RPS6KA3: variants seen among roughly 807,000 people sequenced by gnomAD.
The protein encoded by RPS6KA3 is ribosomal protein S6 kinase A3.
Under a neutral mutation model 67.2 loss-of-function variants are expected in RPS6KA3, and 4 were observed. The ratio of observed to expected loss-of-function variants is 0.06; its 90% CI spans 0.03 to 0.14. The LOEUF is 0.14. Ranked by LOEUF, RPS6KA3 falls within the 10% of genes least tolerant of loss-of-function variation. The pLI, the probability that RPS6KA3 is intolerant of heterozygous loss-of-function variation, is 1.00. For synonymous variants in RPS6KA3, 182 were observed against 183.7 expected, an observed-to-expected ratio of 0.99 and a Z score of 0.07; for missense variants, 204 against 559.0, an observed-to-expected ratio of 0.36 and a Z score of 6.40.
chrX:20,196,475 A>G (rs1024580040), intron 4 of RPS6KA3, among the ~76,000 whole-genome samples: 1 of 112,651 alleles, frequency 8.9e-6, no homozygotes, highest in African/African-American at 3.2e-5. Context: ...CTGAATGGTT[A>G]TATGAAACAT....
Position 20,165,001 on chromosome X carries a change from C to T in RPS6KA3, c.1662G>A (p.Pro554=), listed in dbSNP as rs756922750. The T allele has an allele frequency of 3.1e-5, 37 of 1,202,328 alleles. No homozygotes were observed. Among genetic ancestry groups the T allele is most frequent in the South Asian group, 5.3e-5 (3 of 56,669 alleles). The change falls in exon 18 of 22, where the codon CCG becomes CCA. Residue 554 remains proline, a synonymous_variant. Coordinates refer to ENST00000379565, the MANE Select transcript of RPS6KA3 (RefSeq NM_004586.3). ...CAAAATCACAAATTCGAATAGATTC[C>T]GGATTACCAGATTCATCCACATAAA... ...NILYVDESGN[P]ESIRICDFGF...
chrX:20,179,966 G>A (rs2067801619), intron 10 of RPS6KA3, among the ~76,000 whole-genome samples: 1 of 110,642 alleles, frequency 9.0e-6, no homozygotes, highest in South Asian at 3.8e-4. Context: ...TGGTGCACCT[G>A]TAGTCCTAGC....
intron 3 of RPS6KA3, among the ~76,000 whole-genome samples, chrX:20,208,296 A>C (rs1285222993): frequency 9.0e-6 from 1 of 110,786 alleles, no homozygotes; most frequent in Non-Finnish European, 1.9e-5. Context: ...CCCTGGTCTA[A>C]ACAGATCAAG....
intron 16 of RPS6KA3, among the ~76,000 whole-genome samples, chrX:20,169,186 A>G (rs1242904241): frequency 9.0e-6 from 1 of 111,050 alleles, no homozygotes; most frequent in African/African-American, 3.3e-5. Context: ...TTTTGTAGAG[A>G]TGGAGATCTC....
chrX:20,159,256 C>T (rs1368282327), intron 20 of RPS6KA3, among the ~76,000 whole-genome samples: 1 of 112,145 alleles, frequency 8.9e-6, no homozygotes, highest in East Asian at 2.8e-4. Flanking sequence ...AGTACTGTCC[C>T]TAATATTAGG....
At chrX:20,217,297 T>A (rs1487589246) in intron 2 of RPS6KA3, among the ~76,000 whole-genome samples, 1 of 112,449 alleles carries the variant, frequency 8.9e-6, no homozygotes, top group Non-Finnish European at 1.9e-5. Flanking sequence ...GAGAAAAATA[T>A]CATTTTGATC....
chrX:20,208,031 T>A lies in RPS6KA3; in HGVS notation c.243+1257A>T, dbSNP rs190042830. ...CAATCTAGACCAGTGATCCCCAACC[T>A]TTTTTAGCACCAGGGACTGGTTTCA... On this transcript the variant is annotated intron_variant, in intron 3 of 21. Transcript: ENST00000379565. Among the ~76,000 whole-genome samples, 5 of 111,781 alleles carry A rather than the reference T, an allele frequency of 4.5e-5. No individual in the cohort carries two copies. In the East Asian group the frequency reaches 1.4e-3, roughly 32 times the overall value.
intron 1 of RPS6KA3, among the ~76,000 whole-genome samples, chrX:20,254,761 G>A (rs1322051647): frequency 8.9e-6 from 1 of 111,835 alleles, no homozygotes; most frequent in Non-Finnish European, 1.9e-5. Context: ...TCAGTCATTA[G>A]AGAAATGCAA....
At chrX:20,176,120 C>T (rs1325285919) in intron 13 of RPS6KA3, 130 bp downstream of exon 13, 2 of 503,409 alleles carry the variant, frequency 4.0e-6, no homozygotes, top group Non-Finnish European at 7.1e-6. Flanking sequence ...ATCTGCTCGC[C>T]TCAGCCTCCC....
At chrX:20,156,658 C>T (rs1284372817) in intron 20 of RPS6KA3, among the ~76,000 whole-genome samples, 2 of 110,713 alleles carry the variant, frequency 1.8e-5, no homozygotes, top group Admixed American at 1.9e-4. Flanking sequence ...ACCTCAGCCT[C>T]CCAAAGAGCT....
At chrX:20,208,084 C>T (rs950170736) in intron 3 of RPS6KA3, among the ~76,000 whole-genome samples, 10 of 110,806 alleles carry the variant, frequency 9.0e-5, no homozygotes, top group Non-Finnish European at 1.3e-4. Context: ...CAGACTGGCG[C>T]GGTGGGAGGG....
chrX:20,213,654 A>C (rs1735845834), intron 2 of RPS6KA3, among the ~76,000 whole-genome samples: 4 of 110,755 alleles, frequency 3.6e-5, no homozygotes, highest in Admixed American at 2.9e-4. Flanking sequence ...ACATGTATAC[A>C]TATGTAACAA....
At chrX:20,255,860 T>A (rs1191847509) in intron 1 of RPS6KA3, among the ~76,000 whole-genome samples, 1 of 87,977 alleles carries the variant, frequency 1.1e-5, no homozygotes, top group Non-Finnish European at 2.1e-5. Flanking sequence ...TGTAATCTCA[T>A]CACTTTGGGA....
intron 18 of RPS6KA3, 46 bp downstream of exon 18, chrX:20,164,853 A>G: frequency 1.0e-6 from 1 of 981,581 alleles, no homozygotes; most frequent in African/African-American, 1.9e-5. Context: ...ATAGTGAATG[A>G]GTTTTAAAAC....
At chrX:20,208,553 CA>C (rs112762101) in intron 3 of RPS6KA3, among the ~76,000 whole-genome samples, 3,147 of 109,918 alleles carry the variant, frequency 0.029, 109 homozygotes, top group African/African-American at 0.093. Flanking sequence ...CCCATCTCTA[CA>C]AAAAAAACAC....
At chrX:20,205,470 T>C (rs1322202832) in intron 3 of RPS6KA3, among the ~76,000 whole-genome samples, 1 of 112,433 alleles carries the variant, frequency 8.9e-6, no homozygotes, top group African/African-American at 3.2e-5. Context: ...CTTTGAGAAA[T>C]TGTGCCAAGT....
intron 3 of RPS6KA3, among the ~76,000 whole-genome samples, chrX:20,207,962 G>T (rs1218855205): frequency 8.9e-6 from 1 of 111,877 alleles, no homozygotes; most frequent in African/African-American, 3.2e-5. Flanking sequence ...TCACTGCATC[G>T]TCAAAGTTGA....
At chrX:20,256,325 G>C (rs2070064930) in intron 1 of RPS6KA3, among the ~76,000 whole-genome samples, 1 of 107,296 alleles carries the variant, frequency 9.3e-6, no homozygotes, top group South Asian at 4.0e-4. Context: ...TAACATTTTT[G>C]GGTTGAGCCA....
intron 6 of RPS6KA3, 137 bp from the exon 7 acceptor site, chrX:20,193,730 G>A (rs1000237824): frequency 2.5e-5 from 11 of 439,810 alleles, no homozygotes; most frequent in Admixed American, 7.7e-5. Context: ...CAATTTATTC[G>A]TGAAAGGAAT....
Sources: allele counts gnomAD v4.1 joint callset (sites outside exome capture counted in the v4.1 genomes callset), GRCh38; gene constraint gnomAD v4.1.1; transcripts MANE v1.5; gene names NCBI Gene and HGNC (gene_info 2026-07-23, HGNC 2026-07-21).